Variants in CCDC57 observed in about 807,000 individuals in gnomAD.
The protein encoded by CCDC57 is coiled-coil domain-containing protein 57.
Under a neutral mutation model 118.9 loss-of-function variants are expected in CCDC57, and 118 were observed. That is an observed-to-expected ratio of 0.99 (90% CI 0.86 to 1.16). The LOEUF (loss-of-function observed/expected upper bound fraction) is 1.16. Ranked by LOEUF, CCDC57 falls within the 50% of genes most tolerant of loss-of-function variation. The probability of loss-of-function intolerance (pLI) is 0.00; values close to 1 mark genes in which losing one functional copy is unlikely to be tolerated. For synonymous variants in CCDC57, 527 were observed against 532.9 expected (o/e 0.99, Z 0.15); for missense variants, 1,300 against 1,320.7 (o/e 0.98, Z 0.24).
intron 19 of CCDC57, among the ~76,000 whole-genome samples, chr17:82,125,263 C>T (rs1286147960): frequency 6.6e-6 from 1 of 152,118 alleles, no homozygotes. Context: ...AAAGGCCGGG[C>T]ATGGTGACTC....
At chr17:82,188,191 C>T (rs1298817775) in intron 8 of CCDC57, 28 bp downstream of exon 7, 6 of 1,523,410 alleles carry the variant, frequency 3.9e-6, no homozygotes, top group Non-Finnish European at 4.4e-6. Flanking sequence ...TGCCCTCACC[C>T]TCTGGGTGGA....
intron 15 of CCDC57, 76 bp downstream of exon 14, chr17:82,157,672 C>T (rs1396982043): frequency 2.0e-6 from 3 of 1,502,586 alleles, no homozygotes; most frequent in Admixed American, 2.1e-5. Flanking sequence ...GACAGCAACG[C>T]TGGCAGAGCA....
At chr17:82,189,217 G>A (rs1225161990) in intron 7 of CCDC57, among the ~76,000 whole-genome samples, 4 of 152,116 alleles carry the variant, frequency 2.6e-5, no homozygotes, top group South Asian at 2.1e-4. Flanking sequence ...GCAGTGAGCC[G>A]TGATGGTGCC....
chr17:82,145,605 C>T (rs1401807201), intron 16 of CCDC57, among the ~76,000 whole-genome samples: 1 of 152,096 alleles, frequency 6.6e-6, no homozygotes, highest in Non-Finnish European at 1.5e-5. Flanking sequence ...GGAATCCCAG[C>T]TTTCTACAGG....
chr17:82,148,893 TGG>T (rs2041397407), intron 16 of CCDC57, among the ~76,000 whole-genome samples: 1 of 14,290 alleles, frequency 7.0e-5, no homozygotes, highest in African/African-American at 2.8e-4. Flanking sequence ...GTTGGATGGT[TGG>T]ATGGATGGAT....
At chr17:82,105,877 T>C (rs1200078102) in intron 19 of CCDC57, among the ~76,000 whole-genome samples, 1 of 152,230 alleles carries the variant, frequency 6.6e-6, no homozygotes, top group Non-Finnish European at 1.5e-5. Flanking sequence ...TCCAGGGCTC[T>C]GGGCAGTCCT....
intron 16 of CCDC57, among the ~76,000 whole-genome samples, chr17:82,148,386 T>A (rs553433731): frequency 1.3e-4 from 1 of 7,768 alleles, no homozygotes; most frequent in Non-Finnish European, 2.3e-4. Context: ...GGTGGGTGAA[T>A]GGATGAATGG....
At chr17:82,179,734 A>G (rs2045969240) in intron 9 of CCDC57, among the ~76,000 whole-genome samples, 1 of 152,206 alleles carries the variant, frequency 6.6e-6, no homozygotes. Flanking sequence ...ATGAGAATGG[A>G]AGGAGGAAAC....
chr17:82,173,354 C>T (rs916359995), intron 11 of CCDC57, among the ~76,000 whole-genome samples: 6 of 152,034 alleles, frequency 3.9e-5, no homozygotes, highest in East Asian at 1.9e-4. Flanking sequence ...AGGTTCAGAG[C>T]GCGCAGAAGA....
At chr17:82,120,222 C>T (rs993732936) in intron 19 of CCDC57, among the ~76,000 whole-genome samples, 2 of 151,348 alleles carry the variant, frequency 1.3e-5, no homozygotes, top group Non-Finnish European at 2.9e-5. Context: ...AACTCCTGGG[C>T]TCAAGTGATC....
At chr17:82,144,429 A>C (rs1283776923) in intron 16 of CCDC57, among the ~76,000 whole-genome samples, 1 of 152,234 alleles carries the variant, frequency 6.6e-6, no homozygotes, top group African/African-American at 2.4e-5. Flanking sequence ...CTCTTGCTGA[A>C]GGAACTGACA....
At chr17:82,203,097 G>A (rs1465486036) in intron 2 of CCDC57, among the ~76,000 whole-genome samples, 2 of 152,222 alleles carry the variant, frequency 1.3e-5, no homozygotes, top group Non-Finnish European at 2.9e-5. Flanking sequence ...TCATGTGGGC[G>A]GACCCCTCGT....
intron 2 of CCDC57, among the ~76,000 whole-genome samples, chr17:82,205,874 G>A (rs940201770): frequency 6.6e-6 from 1 of 152,218 alleles, no homozygotes; most frequent in Non-Finnish European, 1.5e-5. Flanking sequence ...TAAGTCAGCC[G>A]GGCTCGGCTC....
intron 16 of CCDC57, among the ~76,000 whole-genome samples, chr17:82,143,392 T>C (rs1442628126): frequency 2.6e-5 from 4 of 152,186 alleles, no homozygotes; most frequent in Admixed American, 6.5e-5. Context: ...GAATTACTTC[T>C]GGTCAAGATA....
At chr17:82,195,085 C>A (rs1046115269) in intron 5 of CCDC57, among the ~76,000 whole-genome samples, 178 bp downstream of exon 4, 2 of 152,280 alleles carry the variant, frequency 1.3e-5, no homozygotes, top group African/African-American at 4.8e-5. Context: ...GGAGTGCCCA[C>A]CCTGCCATGG....
chr17:82,133,735 C>G (rs1262733700), intron 17 of CCDC57, among the ~76,000 whole-genome samples: 1 of 151,890 alleles, frequency 6.6e-6, no homozygotes, highest in East Asian at 1.9e-4. Flanking sequence ...TTGGTGCATG[C>G]CTGTAATCCC....
intron 5 of CCDC57, 147 bp from the exon 5 acceptor site, chr17:82,194,286 A>C: frequency 1.3e-6 from 1 of 791,598 alleles, no homozygotes; most frequent in Non-Finnish European, 2.0e-6. Context: ...ATGTCCTAAC[A>C]CAACTCAAAC....
exon 20 of CCDC57, chr17:82,101,597 A>AG (rs1568124856): frequency 5.1e-6 from 6 of 1,185,958 alleles, no homozygotes; most frequent in Non-Finnish European, 7.2e-6. Context: ...CTGTGCCCAC[A>AG]CCCCCCCACA....
rs147099773 is a variant in CCDC57 at position 82,171,631 on chromosome 17, C to T, written c.1882+70G>A. Reference sequence around the variant, plus strand: ...CCTTGAGCTGTATATTTGCTATGAGCGGACTTTTGCAGGGGTCAGATTTCA... The same window carrying T: ...CCTTGAGCTGTATATTTGCTATGAGTGGACTTTTGCAGGGGTCAGATTTCA... On this transcript the variant is annotated intron_variant, in intron 13 of 19. Transcript: ENST00000665763. The T allele has an allele frequency of 8.0e-5, 121 of 1,520,146 alleles. No individual in the cohort carries two copies. In the East Asian group the frequency reaches 2.1e-3, roughly 27 times the overall value. 94.2% of individuals were successfully genotyped at this position (1,520,146 alleles called of 1,614,324 possible). A position where few individuals can be genotyped will look rare whatever the true frequency, so the allele number is the denominator to read the frequency against.
Sources: allele counts gnomAD v4.1 joint callset (sites outside exome capture counted in the v4.1 genomes callset), GRCh38; gene constraint gnomAD v4.1.1; transcripts MANE v1.5; gene names NCBI Gene and HGNC (gene_info 2026-07-23, HGNC 2026-07-21).